The following WWOX variants were observed in gnomAD, a reference collection of about 807,000 sequenced individuals.
The protein encoded by WWOX is WW domain-containing oxidoreductase.
Under a neutral mutation model 46.2 loss-of-function variants are expected in WWOX, and 69 were observed. The ratio of observed to expected loss-of-function variants is 1.49; its 90% CI spans 1.23 to 1.82. The LOEUF is 1.82. Among genes scored for constraint, WWOX ranks in the 40% most tolerant of loss-of-function variants. The probability of loss-of-function intolerance (pLI) is 0.00; values close to 1 mark genes in which losing one functional copy is unlikely to be tolerated. For synonymous variants in WWOX, 359 were observed against 202.6 expected, an observed-to-expected ratio of 1.77 and a Z score of -6.56; for missense variants, 919 against 542.6, an observed-to-expected ratio of 1.69 and a Z score of -6.89.
At chr16:78,516,574 CT>C (rs950110949) in intron 8 of WWOX, among the ~76,000 whole-genome samples, 5 of 152,160 alleles carry the variant, frequency 3.3e-5, no homozygotes, top group African/African-American at 4.8e-5. Context: ...ATCATGCATA[CT>C]TGGCCTGTTT....
intron 8 of WWOX, among the ~76,000 whole-genome samples, chr16:78,799,719 C>G (rs1828138604): frequency 6.6e-6 from 1 of 152,142 alleles, no homozygotes; most frequent in Non-Finnish European, 1.5e-5. Flanking sequence ...GTCCAAAAAC[C>G]TTCTCTAAAG....
At chr16:78,940,567 C>T (rs769938685) in intron 8 of WWOX, among the ~76,000 whole-genome samples, 2 of 152,096 alleles carry the variant, frequency 1.3e-5, no homozygotes, top group Non-Finnish European at 2.9e-5. Context: ...CCATTAGTAC[C>T]TGAGTGGGGG....
At chr16:79,074,883 T>TA (rs60594960) in intron 8 of WWOX, among the ~76,000 whole-genome samples, 99,377 of 150,602 alleles carry the variant, frequency 0.66, 34,200 homozygotes, top group African/African-American at 0.87. Flanking sequence ...ACAGAACCTT[T>TA]AAAAAAAAAG....
At chr16:78,753,224 C>T (rs1038239184) in intron 8 of WWOX, among the ~76,000 whole-genome samples, 2 of 151,908 alleles carry the variant, frequency 1.3e-5, no homozygotes, top group Non-Finnish European at 1.5e-5. Context: ...GGTGTGAATC[C>T]GGGAGGCGGA....
chr16:78,454,915 C>G (rs1309222681), intron 8 of WWOX, among the ~76,000 whole-genome samples: 1 of 152,250 alleles, frequency 6.6e-6, no homozygotes, highest in African/African-American at 2.4e-5. Flanking sequence ...TGTTCTTTGG[C>G]AGTCACTGCC....
intron 8 of WWOX, among the ~76,000 whole-genome samples, chr16:79,157,644 A>T (rs2050407631): frequency 6.6e-6 from 1 of 152,220 alleles, no homozygotes; most frequent in South Asian, 2.1e-4. Flanking sequence ...GTATGCTAAG[A>T]CCAGCAGATC....
intron 8 of WWOX, among the ~76,000 whole-genome samples, chr16:78,820,707 T>G (rs1034848199): frequency 6.6e-6 from 1 of 152,146 alleles, no homozygotes; most frequent in African/African-American, 2.4e-5. Flanking sequence ...CATAACAAAT[T>G]ATCGCAAACT....
intron 8 of WWOX, among the ~76,000 whole-genome samples, chr16:78,590,290 C>G (rs1331550758): frequency 2.0e-5 from 3 of 152,130 alleles, no homozygotes; most frequent in Non-Finnish European, 4.4e-5. Flanking sequence ...TTCTATCCTT[C>G]AAAAAGGCAC....
chr16:79,083,312 C>T (rs1022569696), intron 8 of WWOX, among the ~76,000 whole-genome samples: 9 of 152,134 alleles, frequency 5.9e-5, no homozygotes, highest in African/African-American at 2.2e-4. Flanking sequence ...GTGTGTGGTT[C>T]ACCCTGACCC....
chr16:78,816,064 A>T (rs1255624951), intron 8 of WWOX, among the ~76,000 whole-genome samples: 1 of 152,158 alleles, frequency 6.6e-6, no homozygotes, highest in Non-Finnish European at 1.5e-5. Context: ...TCCTGCTTCT[A>T]TTCTGCTTTT....
intron 8 of WWOX, among the ~76,000 whole-genome samples, chr16:79,006,093 G>A (rs1434140968): frequency 1.3e-5 from 2 of 152,208 alleles, no homozygotes; most frequent in Non-Finnish European, 2.9e-5. Context: ...CGCTAGGGAA[G>A]TCCCTGGTCC....
intron 8 of WWOX, among the ~76,000 whole-genome samples, chr16:78,862,109 C>G (rs2043898744): frequency 6.6e-6 from 1 of 151,904 alleles, no homozygotes; most frequent in East Asian, 1.9e-4. Flanking sequence ...TATCTATACA[C>G]ACACCTATGG....
intron 8 of WWOX, among the ~76,000 whole-genome samples, chr16:78,987,192 G>C (rs2046800059): frequency 6.6e-6 from 1 of 152,196 alleles, no homozygotes; most frequent in African/African-American, 2.4e-5. Context: ...ATGTCTCCCT[G>C]CATCACAAAC....
intron 5 of WWOX, among the ~76,000 whole-genome samples, chr16:78,381,989 C>G (rs1019234025): frequency 2.6e-5 from 4 of 152,188 alleles, no homozygotes; most frequent in Non-Finnish European, 4.4e-5. Context: ...CCGCAGCCTC[C>G]TGTGTAGCAG....
chr16:78,217,888 C>T (rs562412854), intron 5 of WWOX, among the ~76,000 whole-genome samples: 37 of 152,264 alleles, frequency 2.4e-4, no homozygotes, highest in Non-Finnish European at 4.7e-4. Context: ...CCTCAAAGAT[C>T]CTTCCAGACT....
intron 5 of WWOX, among the ~76,000 whole-genome samples, chr16:78,235,780 T>C (rs1009855648): frequency 3.9e-5 from 6 of 152,058 alleles, no homozygotes; most frequent in South Asian, 4.2e-4. Context: ...GTCAAGGTGA[T>C]TGGGGGAAGG....
intron 8 of WWOX, among the ~76,000 whole-genome samples, chr16:78,933,345 A>G (rs776244308): frequency 1.3e-5 from 2 of 152,226 alleles, no homozygotes; most frequent in Non-Finnish European, 2.9e-5. Flanking sequence ...AGGCTGAGGC[A>G]GGAGAACTGC....
chr16:78,383,990 G>A (rs111648697), intron 5 of WWOX, among the ~76,000 whole-genome samples: 1 of 152,156 alleles, frequency 6.6e-6, no homozygotes, highest in Non-Finnish European at 1.5e-5. Context: ...GGAACCAAAA[G>A]AAAACTTAGC....
chr16:78,409,926 C>T (rs1233444484), intron 6 of WWOX, among the ~76,000 whole-genome samples: 6 of 152,304 alleles, frequency 3.9e-5, no homozygotes, highest in Middle Eastern at 6.8e-3. Flanking sequence ...CTAGCATGAG[C>T]TCCCTGTCTC....
Sources: gnomAD v4.1 joint callset for allele counts (sites outside exome capture counted in the v4.1 genomes callset) on GRCh38, gnomAD v4.1.1 for gene constraint, MANE v1.5 for transcripts, NCBI Gene and HGNC (gene_info 2026-07-23, HGNC 2026-07-21) for gene names.